ZNF610: variants seen among roughly 807,000 people sequenced by gnomAD.
ZNF610 encodes the protein zinc finger protein 610, also known as zink finger protein.
In ZNF610, 14 loss-of-function variants were observed where a neutral mutation model predicts 14.1. The observed-to-expected ratio is 0.99, with a 90% CI of 0.65 to 1.55. ZNF610 has a LOEUF of 1.55. Among genes scored for constraint, ZNF610 ranks in the 40% most tolerant of loss-of-function variants. The pLI, the probability that ZNF610 is intolerant of heterozygous loss-of-function variation, is 0.00. For missense variants in ZNF610, 530 were observed against 558.0 expected, an observed-to-expected ratio of 0.95 and a Z score of 0.51; for synonymous variants, 185 against 187.6, an observed-to-expected ratio of 0.99 and a Z score of 0.11.
chr19:52,345,487 C>T (rs1231182397), intron 1 of ZNF610: 2 of 151,392 alleles, frequency 1.3e-5, no homozygotes, highest in Non-Finnish European at 1.5e-5. Context: ...AGAGGTGGTT[C>T]ATGAGGAATG....
intron 3 of ZNF610, among the ~76,000 whole-genome samples, chr19:52,350,143 C>G (rs947805599): frequency 6.6e-6 from 1 of 152,214 alleles, no homozygotes; most frequent in Non-Finnish European, 1.5e-5. Flanking sequence ...AATTTTTTGT[C>G]ATTAAAGAGG....
intron 5 of ZNF610, among the ~76,000 whole-genome samples, chr19:52,362,914 C>CGTG (rs1985850447): frequency 6.6e-6 from 1 of 152,112 alleles, no homozygotes; most frequent in Non-Finnish European, 1.5e-5. Flanking sequence ...TCTGTCATAT[C>CGTG]TAATGAGGCT....
At chr19:52,331,609 C>T (rs1984216806), upstream of ZNF610, among the ~76,000 whole-genome samples, 1 of 152,156 alleles carries the variant, frequency 6.6e-6, no homozygotes, top group Non-Finnish European at 1.5e-5. Flanking sequence ...TTCCCTGCCA[C>T]CAAAAGGTTT....
chr19:52,338,702 A>ATGTTTT (rs1408599742), intron 1 of ZNF610, among the ~76,000 whole-genome samples: 1 of 151,696 alleles, frequency 6.6e-6, no homozygotes, highest in Non-Finnish European at 1.5e-5. Flanking sequence ...CTTAGTAAAC[A>ATGTTTT]TGTTTTTTTT....
chr19:52,349,078 C>T, intron 2 of ZNF610, 76 bp from the exon 3 acceptor site: 3 of 1,056,258 alleles, frequency 2.8e-6, no homozygotes, highest in East Asian at 2.4e-5. Context: ...TTAGGTCTAA[C>T]CTGTGTGTGT....
intron 1 of ZNF610, among the ~76,000 whole-genome samples, chr19:52,342,647 G>A (rs1984741288): frequency 1.3e-5 from 2 of 151,452 alleles, no homozygotes; most frequent in Non-Finnish European, 2.9e-5. Context: ...AGCCTCCTGA[G>A]TAGTCCCGAG....
At chr19:52,349,973 A>G (rs1157431026) in intron 3 of ZNF610, among the ~76,000 whole-genome samples, 1 of 152,114 alleles carries the variant, frequency 6.6e-6, no homozygotes, top group Non-Finnish European at 1.5e-5. Context: ...GAAGCTAAAC[A>G]CCTTTCCTAC....
At chr19:52,330,511 C>A in the ZNF610 span, 7 of 152,158 alleles carry the variant, frequency 4.6e-5, no homozygotes, top group East Asian at 5.8e-4. Flanking sequence ...CTAGGAAAGT[C>A]AAAAATATTT....
intron 2 of ZNF610, among the ~76,000 whole-genome samples, chr19:52,348,780 A>G (rs936282832): frequency 6.6e-6 from 1 of 152,044 alleles, no homozygotes; most frequent in African/African-American, 2.4e-5. Context: ...CTGAGCACCA[A>G]CGCTCTGTGT....
At chr19:52,344,819 A>G (rs947739192) in intron 1 of ZNF610, among the ~76,000 whole-genome samples, 2 of 152,188 alleles carry the variant, frequency 1.3e-5, no homozygotes, top group Non-Finnish European at 2.9e-5. Flanking sequence ...AGGAGTCTCC[A>G]TTGCCCAGGC....
intron 1 of ZNF610, among the ~76,000 whole-genome samples, chr19:52,342,680 C>T (rs1008876349): frequency 3.3e-5 from 5 of 152,006 alleles, no homozygotes; most frequent in African/African-American, 1.2e-4. Flanking sequence ...GTCCGTACCA[C>T]CACACCTGGC....
chr19:52,340,723 C>T (rs142573316), intron 1 of ZNF610, among the ~76,000 whole-genome samples: 1,654 of 151,820 alleles, frequency 0.011, 15 homozygotes, highest in Non-Finnish European at 0.017. Flanking sequence ...CTGTGTCACC[C>T]AGGCTGGAAT....
chr19:52,355,837 G>A (rs753985612), intron 5 of ZNF610, among the ~76,000 whole-genome samples: 3 of 152,242 alleles, frequency 2.0e-5, no homozygotes, highest in Admixed American at 6.5e-5. Context: ...GGCGAGGCAC[G>A]TGGGAAGATT....
In ZNF610 at chr19:52,366,059, T is replaced by A. The variant is rs162120; in HGVS notation, c.681T>A (p.Thr227=). 1 of 1,614,032 alleles carries A rather than the reference T, an allele frequency of 6.2e-7. No individual in the cohort carries two copies. The highest frequency in any genetic ancestry group is 8.5e-7 in the Non-Finnish European group (1 of 1,180,020). ...ASLTNHQVIH[T]AEKPYKCTEC... is the part of the protein sequence containing the mutation. ...TTACTAACCATCAAGTAATCCATAC[T>A]GCAGAGAAACCTTACAAATGTACTG... The change falls in exon 6 of 6, where the codon ACT becomes ACA. Residue 227 remains threonine, a synonymous_variant. Transcript: ENST00000403906.
Position 52,354,278 on chromosome 19 carries a change from T to G in ZNF610, c.218T>G (p.Ile73Ser). The change falls in exon 5 of 6, where the codon ATT (isoleucine) becomes AGT (serine). Residue 73 changes from isoleucine (I) to serine (S), a missense_variant. Ile to Ser is a moderately radical substitution (Grantham distance 142). Transcript: ENST00000403906. ...ATCTGTCTTCCTGACCTAAGTATTA[T>G]TTCCATGTTGAAGCAAAGGAGAGAG... ...LGICLPDLSI[I>S]SMLKQRREPL... 6.2e-7 allele frequency: 1 copy of G among 1,614,172 alleles called. No individual in the cohort carries two copies. Among genetic ancestry groups the G allele is most frequent in the Non-Finnish European group, 8.5e-7 (1 of 1,180,026 alleles).
At position 52,349,249 on chromosome 19, in the gene ZNF610, C is replaced by A. The variant is rs1335769561; in HGVS notation, c.63+14C>A. The A allele has an allele frequency of 6.2e-7, 1 of 1,611,660 alleles. No individual in the cohort carries two copies. The highest frequency in any genetic ancestry group is 8.5e-7 in the Non-Finnish European group (1 of 1,179,354). ...GCTCTTCCTCAGGTAAAGTGATATT[C>A]TCGGTGGTTGGTTCTCTCTGTTTCT... On this transcript the variant is annotated intron_variant, in intron 3 of 5. Coordinates refer to ENST00000403906, the MANE Select transcript of ZNF610 (RefSeq NM_001161425.2).
rs1359757838 is a variant in ZNF610, at chr19:52,366,302, A to G, written c.924A>G (p.Val308=). Residue 308 remains valine (V), a synonymous_variant, in exon 6 of 6, where the codon GTA becomes GTG. Transcript: ENST00000403906. The stretch of plus-strand genomic sequence containing the variant: ...GTTCGGGACTTACTACCCATCTTGT[A>G]ATCCATACTGGAGAGAAACCTTACA... ...RECSGLTTHL[V]IHTGEKPYKC... is the part of the protein sequence containing the mutation. 1 of 1,613,256 alleles carries G rather than the reference A, an allele frequency of 6.2e-7. No individual in the cohort carries two copies. The highest frequency in any genetic ancestry group is 8.5e-7 in the Non-Finnish European group (1 of 1,179,444).
intron 5 of ZNF610, among the ~76,000 whole-genome samples, chr19:52,355,013 G>C (rs867409648): frequency 6.6e-5 from 10 of 152,188 alleles, no homozygotes; most frequent in African/African-American, 2.4e-4. Context: ...TTCTATAAAT[G>C]TGTGATAGTT....
intron 5 of ZNF610, among the ~76,000 whole-genome samples, chr19:52,361,614 T>A (rs968726720): frequency 9.7e-6 from 1 of 103,332 alleles, no homozygotes; most frequent in African/African-American, 3.0e-5. Flanking sequence ...TTAAAATTTA[T>A]TTTAATTTAA....
Sources: gnomAD v4.1 joint callset for allele counts (sites outside exome capture counted in the v4.1 genomes callset) on GRCh38, gnomAD v4.1.1 for gene constraint, MANE v1.5 for transcripts, NCBI Gene and HGNC (gene_info 2026-07-23, HGNC 2026-07-21) for gene names.